The following DSTYK variants were observed in gnomAD, a reference collection of about 807,000 sequenced individuals.
DSTYK encodes the protein RIP-homologous kinase.
A neutral mutation model predicts 98.7 loss-of-function variants in DSTYK; 34 were observed. The observed-to-expected ratio is 0.34, with a 90% confidence interval of 0.26 to 0.46. DSTYK has a LOEUF of 0.46. Among genes scored for constraint, DSTYK ranks in the 20% least tolerant of loss-of-function variants. The pLI, the probability that DSTYK is intolerant of heterozygous loss-of-function variation, is 1.00. For missense variants in DSTYK, 962 were observed against 1,181.7 expected, an observed-to-expected ratio of 0.81 and a Z score of 2.73; for synonymous variants, 462 against 457.3, an observed-to-expected ratio of 1.01 and a Z score of -0.13.
At chr1:205,209,921 G>T (rs950955676) in intron 1 of DSTYK, among the ~76,000 whole-genome samples, 1 of 146,728 alleles carries the variant, frequency 6.8e-6, no homozygotes, top group East Asian at 2.1e-4. Context: ...TTATTATTGA[G>T]ACAGAGTCTT....
chr1:205,181,652 G>GT (rs1328856675), intron 2 of DSTYK, among the ~76,000 whole-genome samples: 11 of 122,884 alleles, frequency 9.0e-5, no homozygotes, highest in South Asian at 2.8e-4. Flanking sequence ...ACAGATGTTG[G>GT]GGTTTGTGTG....
chr1:205,148,742 A>C lies in DSTYK; in HGVS notation c.2468-403T>G, dbSNP rs1260453947. On this transcript the variant is annotated intron_variant, in intron 11 of 12. Transcript: ENST00000367162. ...GTAGAAGAGTCTGGATTCAGTGAGA[A>C]GCAGGAAGTCATTTATGTTTTAGAG... 4.6e-5 allele frequency among the ~76,000 whole-genome samples: 7 copies of C among 152,192 alleles called. No individual in the cohort carries two copies. In the East Asian group the frequency reaches 1.3e-3, roughly 29 times the overall value.
chr1:205,190,487 G>A (rs1025640093), intron 1 of DSTYK, among the ~76,000 whole-genome samples: 23 of 151,920 alleles, frequency 1.5e-4, no homozygotes, highest in Non-Finnish European at 5.9e-5. Context: ...TCAGCTGGGC[G>A]TGGTGGTAAT....
intron 1 of DSTYK, among the ~76,000 whole-genome samples, chr1:205,195,630 CTAG>C (rs1175674469): frequency 3.9e-5 from 6 of 152,202 alleles, no homozygotes; most frequent in Non-Finnish European, 4.4e-5. Flanking sequence ...GAAATGCACT[CTAG>C]TAGGCAAAGC....
chr1:205,176,075 A>T (rs1658219160), intron 2 of DSTYK, among the ~76,000 whole-genome samples: 1 of 152,220 alleles, frequency 6.6e-6, no homozygotes, highest in Non-Finnish European at 1.5e-5. Flanking sequence ...TCCTATATTG[A>T]GTCATAGTGA....
At position 205,146,338 on chromosome 1, in the gene DSTYK, T is replaced by C. The variant is rs961197465; in HGVS notation, c.*1220A>G. The C allele has an allele frequency of 6.6e-6, 1 of 152,136 alleles. No homozygotes were observed. Among genetic ancestry groups the C allele is most frequent in the Non-Finnish European group, 1.5e-5 (1 of 68,032 alleles). 9.4% of individuals were successfully genotyped at this position (152,136 alleles called of 1,614,324 possible). ...TCAGTTCTCACCCAAATACTTCGCA[T>C]TGGGTTGGTTTTGCTTAGACACTCA... On this transcript the variant is annotated 3_prime_UTR_variant, in exon 13 of 13. Transcript: ENST00000367162.
chr1:205,180,188 T>C (rs900985854), intron 2 of DSTYK, among the ~76,000 whole-genome samples: 4 of 146,048 alleles, frequency 2.7e-5, no homozygotes, highest in African/African-American at 9.7e-5. Context: ...TATGGTTTGC[T>C]GCACCTATCA....
At chr1:205,205,431 ATTTAT>A (rs966114644) in intron 1 of DSTYK, among the ~76,000 whole-genome samples, 9 of 151,924 alleles carry the variant, frequency 5.9e-5, no homozygotes, top group African/African-American at 1.5e-4. Flanking sequence ...GAAAATGCCT[ATTTAT>A]TTTATTTTAT....
intron 10 of DSTYK, among the ~76,000 whole-genome samples, chr1:205,156,931 T>C (rs1408935838): frequency 6.6e-6 from 1 of 152,190 alleles, no homozygotes; most frequent in East Asian, 1.9e-4. Context: ...CTCATGACAG[T>C]GAGTTCTAAT....
intron 2 of DSTYK, among the ~76,000 whole-genome samples, chr1:205,177,310 C>T (rs1196621455): frequency 6.6e-6 from 1 of 152,146 alleles, no homozygotes; most frequent in East Asian, 1.9e-4. Flanking sequence ...AGTTCTGAAG[C>T]CTCAGGTTCA....
intron 10 of DSTYK, among the ~76,000 whole-genome samples, chr1:205,153,699 A>T (rs75622402): frequency 1.3e-5 from 2 of 151,270 alleles, no homozygotes; most frequent in Admixed American, 6.6e-5. Flanking sequence ...TCTGTAACTT[A>T]CTTTTTGTGT....
chr1:205,176,501 A>G (rs3862946), intron 2 of DSTYK, among the ~76,000 whole-genome samples: 3,729 of 147,402 alleles, frequency 0.025, 108 homozygotes, highest in East Asian at 0.058. Flanking sequence ...AAAAAAAAAA[A>G]AAAAAAAAGA....
At chr1:205,187,351 GA>G in intron 2 of DSTYK, 66 bp downstream of exon 2, 1 of 1,498,466 alleles carries the variant, frequency 6.7e-7, no homozygotes. Flanking sequence ...TACTTTTTTA[GA>G]AAGTCAAAAT....
Position 205,169,143 on chromosome 1 carries a change from A to G in DSTYK, c.1324+20T>C, listed in dbSNP as rs1057420720. ...AGACTCCTCCCGTGCCAGCACCCCA[A>G]CAAGCTCTCTGGGACCTACCTTTAA... is the stretch of plus-strand genomic sequence containing the variant. On this transcript the variant is annotated intron_variant, in intron 3 of 12. Transcript: ENST00000367162. The surrounding 1 kb of genome is among the most constrained non-coding windows in gnomAD (Gnocchi z 4.0). The G allele has an allele frequency of 6.4e-7, 1 of 1,554,006 alleles. No homozygotes were observed. The highest frequency in any genetic ancestry group is 1.4e-5 in the African/African-American group (1 of 73,166).
intron 1 of DSTYK, among the ~76,000 whole-genome samples, chr1:205,197,181 C>A (rs898980650): frequency 5.3e-5 from 8 of 151,496 alleles, no homozygotes; most frequent in African/African-American, 1.9e-4. Context: ...TTGGCAAAAC[C>A]TGAACAGGGT....
intron 1 of DSTYK, among the ~76,000 whole-genome samples, chr1:205,208,825 C>G (rs1659281351): frequency 6.6e-6 from 1 of 152,222 alleles, no homozygotes; most frequent in Non-Finnish European, 1.5e-5. Flanking sequence ...TTTCTACTTT[C>G]TGACATGACC....
At chr1:205,171,054 C>CT (rs1658047963) in intron 2 of DSTYK, among the ~76,000 whole-genome samples, 3 of 151,000 alleles carry the variant, frequency 2.0e-5, no homozygotes, top group African/African-American at 4.8e-5. Flanking sequence ...CCCAAAAACT[C>CT]TATCTTTAAG....
chr1:205,196,536 T>C (rs73083122), intron 1 of DSTYK, among the ~76,000 whole-genome samples: 1,967 of 152,084 alleles, frequency 0.013, 40 homozygotes, highest in African/African-American at 0.045. Flanking sequence ...CCAGCCTGGG[T>C]AACAGAGCAA....
rs765100162 is a variant in DSTYK, at chr1:205,169,118, A to G, written c.1324+45T>C. The G allele has an allele frequency of 2.0e-5, 29 of 1,478,540 alleles. No homozygotes were observed. In the South Asian group the frequency reaches 2.1e-4, roughly 11 times the overall value. 91.6% of individuals were successfully genotyped at this position (1,478,540 alleles called of 1,614,324 possible). ...TAATTTCCGGCTAGAAAATGGTTAG[A>G]GACTCCTCCCGTGCCAGCACCCCAA... is the stretch of plus-strand genomic sequence containing the variant. On this transcript the variant is annotated intron_variant, in intron 3 of 12. Transcript: ENST00000367162. The surrounding 1 kb of genome is among the most constrained non-coding windows in gnomAD (Gnocchi z 4.0).
Sources: gnomAD v4.1 joint callset for allele counts (sites outside exome capture counted in the v4.1 genomes callset) on GRCh38, gnomAD v4.1.1 for gene constraint, Gnocchi (gnomAD v3.1) non-coding constraint, MANE v1.5 for transcripts, NCBI Gene and HGNC (gene_info 2026-07-23, HGNC 2026-07-21) for gene names.